The following PTPRT variants were observed in gnomAD, a reference collection of about 807,000 sequenced individuals.
PTPRT encodes the protein receptor-type tyrosine-protein phosphatase T.
PTPRT carries 56 observed loss-of-function variants against 176.8 expected under a neutral mutation model. The observed-to-expected ratio is 0.32, with a 90% CI of 0.26 to 0.40. The LOEUF (loss-of-function observed/expected upper bound fraction) is 0.40. Ranked by LOEUF, PTPRT falls within the 10% of genes least tolerant of loss-of-function variation. The pLI is 1.00. For synonymous variants in PTPRT, 783 were observed against 739.0 expected, an observed-to-expected ratio of 1.06 and a Z score of -0.96; for missense variants, 1,540 against 1,908.2, an observed-to-expected ratio of 0.81 and a Z score of 3.60.
chr20:42,571,657 G>A (rs1259826113), intron 7 of PTPRT, among the ~76,000 whole-genome samples: 1 of 152,214 alleles, frequency 6.6e-6, no homozygotes, highest in East Asian at 1.9e-4. Context: ...ATCAGAGGAT[G>A]TGACTGTTTT....
chr20:42,284,204 T>C (rs772495075), intron 12 of PTPRT, among the ~76,000 whole-genome samples: 90 of 152,078 alleles, frequency 5.9e-4, no homozygotes, highest in Non-Finnish European at 1.1e-3. Flanking sequence ...ATTATATTGA[T>C]ATATGATTAT....
intron 1 of PTPRT, among the ~76,000 whole-genome samples, chr20:43,115,445 A>G (rs2013023855): frequency 1.3e-5 from 2 of 152,136 alleles, no homozygotes; most frequent in Non-Finnish European, 2.9e-5. Flanking sequence ...CCAGTCAAAA[A>G]TTCTGGTTTC....
At chr20:42,689,507 G>T (rs1467287710) in intron 6 of PTPRT, among the ~76,000 whole-genome samples, 1 of 152,154 alleles carries the variant, frequency 6.6e-6, no homozygotes, top group Non-Finnish European at 1.5e-5. Flanking sequence ...GCAACTGAAG[G>T]AGTGAGCCAC....
intron 2 of PTPRT, among the ~76,000 whole-genome samples, chr20:42,840,217 C>T (rs571310170): frequency 2.9e-5 from 2 of 69,408 alleles, no homozygotes; most frequent in East Asian, 6.0e-4. Flanking sequence ...TCTCTGCCTG[C>T]GTTGTCACGT....
At chr20:42,552,544 G>A (rs902749464) in intron 7 of PTPRT, among the ~76,000 whole-genome samples, 1 of 151,968 alleles carries the variant, frequency 6.6e-6, no homozygotes, top group African/African-American at 2.4e-5. Flanking sequence ...AAAATTTTTT[G>A]CACGAAAATG....
chr20:43,003,231 A>G (rs1322815531), intron 1 of PTPRT, among the ~76,000 whole-genome samples: 4 of 152,212 alleles, frequency 2.6e-5, no homozygotes, highest in Non-Finnish European at 4.4e-5. Flanking sequence ...TCTGTCACCT[A>G]GGCTAGAGTG....
At chr20:42,496,790 T>C (rs1285460265) in intron 7 of PTPRT, among the ~76,000 whole-genome samples, 1 of 152,184 alleles carries the variant, frequency 6.6e-6, no homozygotes, top group East Asian at 1.9e-4. Flanking sequence ...TGGTTTTTTG[T>C]ATAACGATGA....
At chr20:42,308,404 T>A (rs6016742) in intron 12 of PTPRT, among the ~76,000 whole-genome samples, 48,632 of 151,646 alleles carry the variant, frequency 0.32, 8,586 homozygotes, top group African/African-American at 0.47. Flanking sequence ...AAGGCGGTCA[T>A]CAGCTGGGAC....
intron 1 of PTPRT, among the ~76,000 whole-genome samples, chr20:43,167,328 T>C (rs1425360302): frequency 2.0e-5 from 3 of 152,122 alleles, no homozygotes; most frequent in Non-Finnish European, 4.4e-5. Context: ...CCAGATCAAA[T>C]CTATCAGAAT....
Position 42,791,318 on chromosome 20 carries a change from G to A in PTPRT, c.363C>T (p.Asn121=), listed in dbSNP as rs372820451. Residue 121 remains asparagine, a synonymous_variant, in exon 3 of 31, where the codon AAC becomes AAT. Coordinates refer to ENST00000373187, the MANE Select transcript of PTPRT (RefSeq NM_007050.6). ...GGCCACCATTCACCTTCACGTAGAC[G>A]TTCAAGGCCCCTGGGCTGGACCTGT... ...SRDRSSPGAL[N]VYVKVNGGPQ... The A allele has an allele frequency of 2.8e-5, 45 of 1,614,180 alleles. No homozygotes were observed. The highest frequency in any genetic ancestry group is 9.3e-5 in the African/African-American group (7 of 75,038).
At chr20:42,324,181 T>C (rs1468512525) in intron 11 of PTPRT, among the ~76,000 whole-genome samples, 1 of 152,238 alleles carries the variant, frequency 6.6e-6, no homozygotes, top group Non-Finnish European at 1.5e-5. Context: ...TAGAATATTA[T>C]TCAGTAACAA....
chr20:42,159,304 T>C (rs1004966150), intron 17 of PTPRT, among the ~76,000 whole-genome samples: 1 of 152,082 alleles, frequency 6.6e-6, no homozygotes, highest in Admixed American at 6.6e-5. Context: ...CCCAATCCTA[T>C]GTTGCCTTCC....
chr20:42,057,151 A>G, the PTPRT span, among the ~76,000 whole-genome samples: 1 of 152,232 alleles, frequency 6.6e-6, no homozygotes, highest in Non-Finnish European at 1.5e-5. Flanking sequence ...TTTGTTTACC[A>G]TATATGGATA....
At chr20:42,216,707 A>G (rs761792384) in intron 15 of PTPRT, among the ~76,000 whole-genome samples, 14 of 152,172 alleles carry the variant, frequency 9.2e-5, no homozygotes, top group Admixed American at 1.3e-4. Flanking sequence ...TTATTGTTGC[A>G]TCGTCCCATA....
At chr20:42,454,410 T>C (rs1212947722) in intron 8 of PTPRT, among the ~76,000 whole-genome samples, 1 of 152,190 alleles carries the variant, frequency 6.6e-6, no homozygotes, top group Non-Finnish European at 1.5e-5. Context: ...GTTTTTACAG[T>C]GTAATGCCAA....
chr20:42,612,574 C>T (rs1207186269), intron 7 of PTPRT, among the ~76,000 whole-genome samples: 1 of 152,122 alleles, frequency 6.6e-6, no homozygotes, highest in Non-Finnish European at 1.5e-5. Context: ...ACAGTGCCCT[C>T]CTCCTAAAAG....
intron 13 of PTPRT, among the ~76,000 whole-genome samples, chr20:42,254,628 G>T (rs2056606108): frequency 6.6e-6 from 1 of 151,146 alleles, no homozygotes. Flanking sequence ...AGAAGTGACA[G>T]GGGGTAGATT....
intron 1 of PTPRT, among the ~76,000 whole-genome samples, chr20:43,099,738 C>G (rs1003642441): frequency 6.6e-6 from 1 of 152,202 alleles, no homozygotes; most frequent in Non-Finnish European, 1.5e-5. Context: ...CCATCTTTAA[C>G]AGCTCTTTAT....
At chr20:43,069,658 G>A (rs2011154994) in intron 1 of PTPRT, among the ~76,000 whole-genome samples, 1 of 152,166 alleles carries the variant, frequency 6.6e-6, no homozygotes, top group African/African-American at 2.4e-5. Flanking sequence ...ACAAGAAGCG[G>A]TGAGGTATCT....
Sources: allele counts gnomAD v4.1 joint callset (sites outside exome capture counted in the v4.1 genomes callset), GRCh38; gene constraint gnomAD v4.1.1; transcripts MANE v1.5; gene names NCBI Gene and HGNC (gene_info 2026-07-23, HGNC 2026-07-21).